ARHGAP6: variants seen among roughly 807,000 people sequenced by gnomAD.
The protein encoded by ARHGAP6 is rho GTPase-activating protein 6.
In ARHGAP6, 16 loss-of-function variants were observed where a neutral mutation model predicts 55.7. The ratio of observed to expected loss-of-function variants is 0.29; its 90% CI spans 0.19 to 0.44. ARHGAP6 has a LOEUF of 0.44. Ranked by LOEUF, ARHGAP6 falls within the 20% of genes least tolerant of loss-of-function variation. The pLI is 1.00. For missense variants in ARHGAP6, 698 were observed against 808.9 expected, an observed-to-expected ratio of 0.86 and a Z score of 1.66; for synonymous variants, 382 against 360.9, an observed-to-expected ratio of 1.06 and a Z score of -0.66.
intron 1 of ARHGAP6, among the ~76,000 whole-genome samples, chrX:11,264,965 A>G (rs2047605372): frequency 8.9e-6 from 1 of 112,637 alleles, no homozygotes. Context: ...TAAGTGGCAG[A>G]GTTAGGATTT....
chrX:11,216,765 G>T (rs376315211), intron 2 of ARHGAP6, among the ~76,000 whole-genome samples: 1 of 110,819 alleles, frequency 9.0e-6, no homozygotes, highest in Non-Finnish European at 1.9e-5. Flanking sequence ...TGTGCAGAAC[G>T]TGCAGGTTTG....
At chrX:11,177,674 G>T (rs1446502132) in intron 8 of ARHGAP6, among the ~76,000 whole-genome samples, 4 of 111,567 alleles carry the variant, frequency 3.6e-5, no homozygotes, top group Non-Finnish European at 3.8e-5. Flanking sequence ...GGGATAAACT[G>T]GAAGAATAAA....
At chrX:11,207,605 G>A (rs186276290) in intron 2 of ARHGAP6, among the ~76,000 whole-genome samples, 2 of 111,769 alleles carry the variant, frequency 1.8e-5, no homozygotes, top group East Asian at 5.6e-4. Flanking sequence ...TGGCTATTTA[G>A]ATGGCAAGGA....
intron 1 of ARHGAP6, among the ~76,000 whole-genome samples, chrX:11,445,932 C>T (rs1266899972): frequency 9.0e-6 from 1 of 110,942 alleles, no homozygotes; most frequent in Non-Finnish European, 1.9e-5. Flanking sequence ...AACCTTATGC[C>T]CTGTGGTTGG....
At chrX:11,569,169 T>A (rs2051483069) in intron 1 of ARHGAP6, among the ~76,000 whole-genome samples, 1 of 111,309 alleles carries the variant, frequency 9.0e-6, no homozygotes, top group South Asian at 3.8e-4. Context: ...TGTGGCAGTG[T>A]CTGGAGACAT....
intron 1 of ARHGAP6, among the ~76,000 whole-genome samples, chrX:11,518,175 C>T (rs1320560717): frequency 9.1e-6 from 1 of 110,463 alleles, no homozygotes; most frequent in East Asian, 2.8e-4. Flanking sequence ...GGGTCTTGGT[C>T]TATCACCCAG....
intron 2 of ARHGAP6, among the ~76,000 whole-genome samples, chrX:11,206,427 T>A (rs186379040): frequency 1.8e-5 from 2 of 111,640 alleles, no homozygotes; most frequent in East Asian, 5.6e-4. Flanking sequence ...TCAGCAGTTT[T>A]TAAATTACAT....
chrX:11,313,413 T>C (rs1432014533), intron 1 of ARHGAP6, among the ~76,000 whole-genome samples: 2 of 112,349 alleles, frequency 1.8e-5, no homozygotes, highest in Non-Finnish European at 3.8e-5. Context: ...CAAACACTCA[T>C]GGACAAGGCA....
intron 1 of ARHGAP6, among the ~76,000 whole-genome samples, chrX:11,417,079 T>C (rs1193494648): frequency 5.2e-5 from 4 of 77,317 alleles, no homozygotes; most frequent in Non-Finnish European, 9.9e-5. Context: ...TATATATATA[T>C]ATATATATAT....
At chrX:11,314,336 A>T (rs1285313682) in intron 1 of ARHGAP6, among the ~76,000 whole-genome samples, 1 of 112,071 alleles carries the variant, frequency 8.9e-6, no homozygotes, top group Non-Finnish European at 1.9e-5. Context: ...GACCAGCTGG[A>T]GTCCAGTCCC....
intron 1 of ARHGAP6, among the ~76,000 whole-genome samples, chrX:11,406,190 T>C (rs1430119439): frequency 1.8e-5 from 2 of 111,041 alleles, no homozygotes; most frequent in African/African-American, 6.6e-5. Context: ...TGAGCTACCA[T>C]GCCCAGCCGA....
At chrX:11,381,941 C>T (rs2049267782) in intron 1 of ARHGAP6, among the ~76,000 whole-genome samples, 1 of 111,859 alleles carries the variant, frequency 8.9e-6, no homozygotes, top group South Asian at 3.7e-4. Context: ...TAAGATGAGG[C>T]ATTAGGAATA....
intron 1 of ARHGAP6, among the ~76,000 whole-genome samples, chrX:11,484,035 C>T (rs2050485936): frequency 8.9e-6 from 1 of 111,999 alleles, no homozygotes; most frequent in Non-Finnish European, 1.9e-5. Flanking sequence ...TTTGAAATAA[C>T]ATTTCAAATT....
intron 1 of ARHGAP6, among the ~76,000 whole-genome samples, chrX:11,661,335 C>T (rs946023838): frequency 3.6e-5 from 4 of 112,608 alleles, no homozygotes; most frequent in African/African-American, 1.3e-4. Context: ...AGATGATCTA[C>T]CCAGCATGTC....
chrX:11,618,379 C>A (rs1166916056), intron 1 of ARHGAP6, among the ~76,000 whole-genome samples: 1 of 112,317 alleles, frequency 8.9e-6, no homozygotes, highest in African/African-American at 3.2e-5. Context: ...AGATAAATTA[C>A]GTTGCATGTC....
intron 1 of ARHGAP6, among the ~76,000 whole-genome samples, chrX:11,644,273 C>A (rs2052505250): frequency 9.0e-6 from 1 of 110,583 alleles, no homozygotes; most frequent in Non-Finnish European, 1.9e-5. Context: ...CATCTTCAAG[C>A]TCCAGATGCT....
intron 1 of ARHGAP6, among the ~76,000 whole-genome samples, chrX:11,321,196 T>C (rs181546960): frequency 1.8e-5 from 2 of 112,381 alleles, no homozygotes; most frequent in East Asian, 5.6e-4. Flanking sequence ...CAATATTTAT[T>C]ACTTTTTGTA....
At position 11,354,747 on chromosome X, in the gene ARHGAP6, A is replaced by T. The variant is rs773903915; in HGVS notation, c.589-100040T>A. On this transcript the variant is annotated intron_variant, in intron 1 of 12. Transcript: ENST00000337414. The stretch of plus-strand genomic sequence containing the variant: ...AGCTGTACATACAGATGGACTGAAG[A>T]ACTATGCATATCAGGTACTAATTAA... Among the ~76,000 whole-genome samples, 13 of 111,487 alleles carry T rather than the reference A, an allele frequency of 1.2e-4. No individual in the cohort carries two copies. In the South Asian group the frequency reaches 4.9e-3, roughly 42 times the overall value.
chrX:11,497,559 T>TTCTCTCTCTCTCTC (rs34138329), intron 1 of ARHGAP6, among the ~76,000 whole-genome samples: 969 of 41,100 alleles, frequency 0.024, 23 homozygotes, highest in Middle Eastern at 0.057. Flanking sequence ...CCCTCCCTCC[T>TTCTCTCTCTCTCTC]TCTCTCTCTC....
Sources: allele counts gnomAD v4.1 joint callset (sites outside exome capture counted in the v4.1 genomes callset), GRCh38; gene constraint gnomAD v4.1.1; transcripts MANE v1.5; gene names NCBI Gene and HGNC (gene_info 2026-07-23, HGNC 2026-07-21).